RCCD1: variants seen among roughly 807,000 people sequenced by gnomAD.
The protein encoded by RCCD1 is RCC1 domain containing 1, also known as RCC1 domain-containing protein 1.
RCCD1 carries 40 observed loss-of-function variants against 37.6 expected under a neutral mutation model. That is an observed-to-expected ratio of 1.06 (90% CI 0.83 to 1.39). RCCD1 has a LOEUF of 1.39. Ranked by LOEUF, RCCD1 falls within the 40% of genes most tolerant of loss-of-function variation. The pLI is 0.00. For missense variants in RCCD1, 577 were observed against 517.3 expected, an observed-to-expected ratio of 1.12 and a Z score of -1.12; for synonymous variants, 263 against 230.0, an observed-to-expected ratio of 1.14 and a Z score of -1.30.
intron 3 of RCCD1, 50 bp downstream of exon 3, chr15:90,957,553 G>T: frequency 6.2e-7 from 1 of 1,611,406 alleles, no homozygotes. Flanking sequence ...GAAGCAAGCG[G>T]AGCGGGACCC....
rs1177345691 is a variant in RCCD1, at chr15:90,957,514, G to T, written c.557+11G>T. 1.3e-6 allele frequency: 2 copies of T among 1,581,736 alleles called. No individual in the cohort carries two copies. The highest frequency in any genetic ancestry group is 8.6e-7 in the Non-Finnish European group (1 of 1,166,460). On this transcript the variant is annotated intron_variant, in intron 3 of 7. Coordinates refer to ENST00000394258, the MANE Select transcript of RCCD1 (RefSeq NM_001017919.2). ...CTGGGGCGGGGGCAGGTGAGCGGAG[G>T]CGGGGGCAGGTGAGGGCTGCTGATT...
intron 4 of RCCD1, 174 bp from the exon 5 acceptor site, chr15:90,959,726 G>T: frequency 2.0e-6 from 1 of 505,226 alleles, no homozygotes; most frequent in Non-Finnish European, 3.5e-6. Flanking sequence ...GCATTGAGGG[G>T]ATGTGAACCT....
At chr15:90,961,120 A>G (rs983891730) in intron 7 of RCCD1, 66 bp downstream of exon 7, 1 of 1,499,578 alleles carries the variant, frequency 6.7e-7, no homozygotes, top group African/African-American at 1.4e-5. Context: ...AGTACAGGGC[A>G]GGTGACAAAG....
chr15:90,955,694 A>G (rs1430640480), intron 1 of RCCD1: 1 of 116,162 alleles, frequency 8.6e-6, no homozygotes, highest in East Asian at 8.5e-4. Flanking sequence ...CCCTGTCTCT[A>G]TTATATTAAA....
chr15:90,958,627 CAAAAAAAAAAAA>C (rs5814447), intron 4 of RCCD1, among the ~76,000 whole-genome samples: 1 of 75,004 alleles, frequency 1.3e-5, no homozygotes, highest in South Asian at 4.3e-4. Flanking sequence ...GACTCAGTCT[CAAAAAAAAAAAA>C]AAAAAAAAAA....
At position 90,957,702 on chromosome 15, in the gene RCCD1, G is replaced by T; in HGVS notation, c.656G>T (p.Gly219Val). The change falls in exon 4 of 8, where the codon GGC becomes GTC. Residue 219 changes from glycine to valine, a missense_variant. Coordinates refer to ENST00000394258, the MANE Select transcript of RCCD1 (RefSeq NM_001017919.2). ...GTCATGGCTGAGGTGGCCGCGGGGG[G>T]CTGGCATTCTGTGTGTGTGAGTGGT... ...GLVMAEVAAG[G>V]WHSVCVSETG... 6.2e-7 allele frequency: 1 copy of T among 1,612,336 alleles called. No individual in the cohort carries two copies. Among genetic ancestry groups the T allele is most frequent in the Non-Finnish European group, 8.5e-7 (1 of 1,178,984 alleles).
intron 1 of RCCD1, chr15:90,955,433 G>A (rs1316433118): frequency 3.3e-5 from 5 of 152,302 alleles, no homozygotes; most frequent in Non-Finnish European, 5.9e-5. Context: ...GAGGGTAGAG[G>A]GCATAGGGTC....
At chr15:90,959,131 C>A (rs1439361253) in intron 4 of RCCD1, among the ~76,000 whole-genome samples, 2 of 152,040 alleles carry the variant, frequency 1.3e-5, no homozygotes, top group East Asian at 3.9e-4. Flanking sequence ...GGCCCTGGGA[C>A]CTCGGGCCTG....
chr15:90,960,565 G>T, intron 6 of RCCD1, 67 bp downstream of exon 6: 1 of 1,481,480 alleles, frequency 6.8e-7, no homozygotes, highest in Non-Finnish European at 9.1e-7. Context: ...TGTGGTCGAC[G>T]GAAAAACTTC....
In RCCD1 at chr15:90,957,448, G is replaced by A. The variant is rs894737973; in HGVS notation, c.502G>A (p.Glu168Lys). The A allele has an allele frequency of 3.2e-6, 5 of 1,539,424 alleles. No individual in the cohort carries two copies. The stretch of plus-strand genomic sequence containing the variant: ...GGCACGCCAGCTGGAGCTGGGCGCC[G>A]AGCACGCGTTGCTGCTGGACGCTGC... ...LRARQLELGAEHALLLDAAGQ... is the reference protein window; with the variant it reads ...LRARQLELGAKHALLLDAAGQ... Residue 168 changes from glutamate to lysine, a missense_variant, in exon 3 of 8, where the codon GAG becomes AAG. By Grantham distance (56) the Glu-to-Lys change is moderately conservative (BLOSUM62 1). Coordinates refer to ENST00000394258, the MANE Select transcript of RCCD1 (RefSeq NM_001017919.2).
At chr15:90,956,960 C>T in intron 2 of RCCD1, 60 bp downstream of exon 2, 1 of 1,269,888 alleles carries the variant, frequency 7.9e-7, no homozygotes, top group Non-Finnish European at 9.9e-7. Flanking sequence ...CGCCTCCCCG[C>T]ACCGCTGTGG....
At position 90,957,496 on chromosome 15, in the gene RCCD1, G is replaced by T; in HGVS notation, c.550G>T (p.Gly184Trp). 6.4e-7 allele frequency: 1 copy of T among 1,561,034 alleles called. No individual in the cohort carries two copies. Residue 184 changes from glycine (G) to tryptophan (W), a missense_variant, in exon 3 of 8, where the codon GGG becomes TGG. Gly to Trp is a radical substitution (Grantham distance 184). Transcript: ENST00000394258. ...DAAGQVFSWG[G>W]GRHGQLGHGT... The stretch of plus-strand genomic sequence containing the variant: ...TGCTGGCCAGGTGTTCTCCTGGGGC[G>T]GGGGCAGGTGAGCGGAGGCGGGGGC...
Position 90,961,072 on chromosome 15 carries a change from T to C in RCCD1, c.979+18T>C. Reference sequence around the variant, plus strand: ...GGGCTGGGGTAAGTAAAAGGATTGTTTTTGTGACCCTGAAACCAAGGAGAA... The same window carrying C: ...GGGCTGGGGTAAGTAAAAGGATTGTCTTTGTGACCCTGAAACCAAGGAGAA... On this transcript the variant is annotated intron_variant, in intron 7 of 7. Coordinates refer to ENST00000394258, the MANE Select transcript of RCCD1 (RefSeq NM_001017919.2). The C allele has an allele frequency of 1.2e-6, 2 of 1,613,084 alleles. No individual in the cohort carries two copies. The highest frequency in any genetic ancestry group is 1.7e-6 in the Non-Finnish European group (2 of 1,179,604).
intron 7 of RCCD1, 56 bp from the exon 8 acceptor site, chr15:90,961,562 G>A: frequency 1.9e-6 from 3 of 1,560,116 alleles, no homozygotes; most frequent in Non-Finnish European, 2.6e-6. Flanking sequence ...TTCCTGGAGG[G>A]AAAGCAGCAG....
chr15:90,957,261 G>C lies in RCCD1; in HGVS notation c.315G>C (p.Leu105=). Residue 105 remains leucine, a synonymous_variant, in exon 3 of 8, where the codon CTG becomes CTC. Coordinates refer to ENST00000394258, the MANE Select transcript of RCCD1 (RefSeq NM_001017919.2). ...AGGTCTGGGCGGCCGAATCGGCGCT[G>C]CGTGGGGAGCCATTGTGGGCCCAGA... ...LLQVWAAESA[L]RGEPLWAQNV... is the part of the protein sequence containing the mutation. 3.3e-6 allele frequency: 5 copies of C among 1,493,784 alleles called. No individual in the cohort carries two copies. Among genetic ancestry groups the C allele is most frequent in the Non-Finnish European group, 4.5e-6 (5 of 1,117,288 alleles). The allele number at this position is 1,493,784 out of a possible 1,614,324, so 92.5% of individuals were successfully genotyped here.
In RCCD1 at chr15:90,957,596, T is replaced by A; in HGVS notation, c.558-8T>A. ...CGACTGTAGCTGACGACGGTCTCCCTTGCTCAGGCATGGACAGCTGGGCCA... is the reference window on the plus strand; with the variant it reads ...CGACTGTAGCTGACGACGGTCTCCCATGCTCAGGCATGGACAGCTGGGCCA... On this transcript the variant is annotated splice_region_variant and splice_polypyrimidine_tract_variant and intron_variant, in intron 3 of 7. Transcript: ENST00000394258. The A allele has an allele frequency of 6.2e-7, 1 of 1,614,002 alleles. No individual in the cohort carries two copies. Among genetic ancestry groups the A allele is most frequent in the Non-Finnish European group, 8.5e-7 (1 of 1,179,992 alleles).
At chr15:90,959,698 T>G in intron 4 of RCCD1, 1 of 452,142 alleles carries the variant, frequency 2.2e-6, no homozygotes. Flanking sequence ...AGTAAGGGAC[T>G]TAAAGGGTGA....
At position 90,963,031 on chromosome 15, in the gene RCCD1, T is replaced by C. The variant is rs189980280; in HGVS notation, c.*1262T>C. 3 of 152,360 alleles carry C rather than the reference T, an allele frequency of 2.0e-5. No individual in the cohort carries two copies. In the East Asian group the frequency reaches 5.8e-4, roughly 29 times the overall value. The allele number at this position is 152,360 out of a possible 1,614,324, so 9.4% of individuals were successfully genotyped here. A position where few individuals can be genotyped will look rare whatever the true frequency, so the allele number is the denominator to read the frequency against. ...GTGTGTGTCTGTGGTTTAGCAAATG[T>C]TTCCCACCCATGGGGTCTTTTTTAT... On this transcript the variant is annotated 3_prime_UTR_variant, in exon 8 of 8. Transcript: ENST00000394258.
At chr15:90,955,039 C>T (rs551896066) in intron 1 of RCCD1, 91 bp downstream of exon 1, 4 of 152,446 alleles carry the variant, frequency 2.6e-5, no homozygotes, top group Admixed American at 2.0e-4. Flanking sequence ...GGTTCTAATC[C>T]GAGCTCCAGC....
Sources: gnomAD v4.1 joint callset for allele counts (sites outside exome capture counted in the v4.1 genomes callset) on GRCh38, gnomAD v4.1.1 for gene constraint, MANE v1.5 for transcripts, NCBI Gene and HGNC (gene_info 2026-07-23, HGNC 2026-07-21) for gene names.